ST7: variants seen among roughly 807,000 people sequenced by gnomAD.
ST7 encodes suppression of tumorigenicity 7.
Under a neutral mutation model 78.7 loss-of-function variants are expected in ST7, and 28 were observed. That is an observed-to-expected ratio of 0.36 (90% CI 0.26 to 0.49). The LOEUF (loss-of-function observed/expected upper bound fraction) is 0.49. Ranked by LOEUF, ST7 falls within the 20% of genes least tolerant of loss-of-function variation. ST7 has a pLI of 0.99. For missense variants in ST7, 418 were observed against 696.0 expected (o/e 0.60, Z 4.49); for synonymous variants, 247 against 249.6 (o/e 0.99, Z 0.10).
intron 2 of ST7, among the ~76,000 whole-genome samples, chr7:117,109,817 A>G (rs1180147942): frequency 1.3e-5 from 2 of 152,230 alleles, no homozygotes; most frequent in African/African-American, 2.4e-5. Flanking sequence ...ACTGAATCCA[A>G]CAGCATGTCC....
intron 1 of ST7, among the ~76,000 whole-genome samples, chr7:117,066,939 C>G (rs543910879): frequency 1.3e-5 from 2 of 152,104 alleles, no homozygotes; most frequent in East Asian, 3.9e-4. Context: ...AACCACTAAT[C>G]TACTTTCTGT....
rs879939951 is a variant in ST7, at chr7:117,045,736, T to A, written c.152-54026T>A. Among the ~76,000 whole-genome samples the A allele has an allele frequency of 2.9e-4, 44 of 152,230 alleles. 1 individual carries two copies. The highest frequency in any genetic ancestry group is 2.9e-3 in the Admixed American group (44 of 15,280). On this transcript the variant is annotated intron_variant, in intron 1 of 15. Coordinates refer to ENST00000323984, the MANE Select transcript of ST7 (RefSeq NM_001369598.1). ...GCTTGGCCCATTGTATGCCTGGCAT[T>A]AGGTCAAGACCTGGCACGTTGTTGC...
At chr7:117,195,889 C>T (rs1290816210) in intron 12 of ST7, among the ~76,000 whole-genome samples, 1 of 152,158 alleles carries the variant, frequency 6.6e-6, no homozygotes, top group Non-Finnish European at 1.5e-5. Context: ...GACTGAAACT[C>T]TATTCTTATT....
At chr7:117,196,624 C>CTTTT (rs56133709) in intron 12 of ST7, among the ~76,000 whole-genome samples, 8 of 59,518 alleles carry the variant, frequency 1.3e-4, no homozygotes, top group African/African-American at 5.2e-4. Context: ...GATTGTTGGG[C>CTTTT]TTTTTTTTTT....
chr7:117,063,442 C>T (rs532947730), intron 1 of ST7, among the ~76,000 whole-genome samples: 9 of 152,288 alleles, frequency 5.9e-5, no homozygotes, highest in African/African-American at 2.2e-4. Flanking sequence ...GGCACAGTGG[C>T]TCATGCCTAT....
intron 1 of ST7, among the ~76,000 whole-genome samples, chr7:117,009,222 A>G (rs192933034): frequency 3.0e-4 from 46 of 151,174 alleles, no homozygotes; most frequent in Non-Finnish European, 4.9e-4. Context: ...GCTACAGCTA[A>G]GAAATTCCTT....
At position 117,100,043 on chromosome 7, in the gene ST7, A is replaced by G. The variant is rs370000457; in HGVS notation, c.234+199A>G. On this transcript the variant is annotated intron_variant, in intron 2 of 15. Coordinates refer to ENST00000323984, the MANE Select transcript of ST7 (RefSeq NM_001369598.1). ...TTTCTGAAATATTTGAAAACAATTT[A>G]AGCAATCGTATATTACTTTGTTGAA... Among the ~76,000 whole-genome samples, 125 of 152,322 alleles carry G rather than the reference A, an allele frequency of 8.2e-4. 4 individuals are homozygous for G. In the South Asian group the frequency reaches 0.025, roughly 30 times the overall value.
intron 1 of ST7, among the ~76,000 whole-genome samples, chr7:116,960,212 C>G (rs1015653889): frequency 4.0e-5 from 6 of 151,768 alleles, no homozygotes; most frequent in Non-Finnish European, 8.8e-5. Flanking sequence ...GTTTTTAAGA[C>G]AGAGTCTCGC....
intron 1 of ST7, among the ~76,000 whole-genome samples, chr7:117,047,250 T>A (rs1797537914): frequency 6.6e-6 from 1 of 152,168 alleles, no homozygotes; most frequent in Non-Finnish European, 1.5e-5. Context: ...CATTTGAAGT[T>A]ATAAGTTGAA....
At chr7:117,052,369 C>T (rs1216762118) in intron 1 of ST7, among the ~76,000 whole-genome samples, 1 of 151,810 alleles carries the variant, frequency 6.6e-6, no homozygotes, top group African/African-American at 2.4e-5. Context: ...ATTTTTTTTT[C>T]TCTATGCACC....
intron 12 of ST7, 69 bp downstream of exon 12, chr7:117,191,005 G>A: frequency 8.2e-7 from 1 of 1,219,788 alleles, no homozygotes; most frequent in South Asian, 1.2e-5. Context: ...CCACAGTGTT[G>A]TATCTCAAGT....
intron 1 of ST7, among the ~76,000 whole-genome samples, chr7:116,979,690 C>G (rs1309036318): frequency 6.6e-6 from 1 of 152,134 alleles, no homozygotes; most frequent in Non-Finnish European, 1.5e-5. Flanking sequence ...CCCAACTGGT[C>G]TTCCTGCCTC....
chr7:117,150,682 A>T (rs779533914), intron 9 of ST7, among the ~76,000 whole-genome samples: 35 of 152,194 alleles, frequency 2.3e-4, no homozygotes, highest in Non-Finnish European at 5.0e-4. Context: ...TTGGCCATCA[A>T]TTCTAAATAC....
chr7:117,134,260 T>C, intron 7 of ST7, 68 bp downstream of exon 7: 1 of 1,603,468 alleles, frequency 6.2e-7, no homozygotes, highest in East Asian at 2.2e-5. Context: ...ATCTGGATGG[T>C]TGACACCCCC....
At chr7:117,108,936 C>T (rs754883299) in intron 2 of ST7, among the ~76,000 whole-genome samples, 28 of 152,160 alleles carry the variant, frequency 1.8e-4, no homozygotes, top group Non-Finnish European at 3.4e-4. Flanking sequence ...TACTAATTTG[C>T]GTACATTAAT....
intron 1 of ST7, among the ~76,000 whole-genome samples, chr7:117,021,047 AT>A (rs1169085392): frequency 6.6e-6 from 1 of 152,210 alleles, no homozygotes; most frequent in East Asian, 1.9e-4. Flanking sequence ...ATAAATAGTT[AT>A]CATTATATAC....
chr7:117,106,653 C>T (rs1315023497), intron 2 of ST7, among the ~76,000 whole-genome samples: 1 of 124,230 alleles, frequency 8.0e-6, no homozygotes, highest in African/African-American at 3.0e-5. Flanking sequence ...TGGAGTCTTG[C>T]TCTGTTGCCC....
chr7:116,992,713 T>A (rs1794484306), intron 1 of ST7, among the ~76,000 whole-genome samples: 1 of 152,242 alleles, frequency 6.6e-6, no homozygotes, highest in Admixed American at 6.5e-5. Context: ...CTTGAATTTC[T>A]CCTCAGAAAA....
At chr7:117,059,118 T>C (rs926821195) in intron 1 of ST7, among the ~76,000 whole-genome samples, 2 of 152,180 alleles carry the variant, frequency 1.3e-5, no homozygotes, top group African/African-American at 4.8e-5. Context: ...ATAGACCTAG[T>C]ATTTGCCAGC....
Sources: allele counts gnomAD v4.1 joint callset (sites outside exome capture counted in the v4.1 genomes callset), GRCh38; gene constraint gnomAD v4.1.1; transcripts MANE v1.5; gene names NCBI Gene and HGNC (gene_info 2026-07-23, HGNC 2026-07-21).